ZNF573: variants seen among roughly 807,000 people sequenced by gnomAD.
ZNF573 encodes the protein zinc finger protein 573.
Under a neutral mutation model 57.4 loss-of-function variants are expected in ZNF573, and 41 were observed. The observed-to-expected ratio is 0.71, with a 90% CI of 0.56 to 0.93. The LOEUF (loss-of-function observed/expected upper bound fraction) is 0.93. Among genes scored for constraint, ZNF573 ranks in the 40% least tolerant of loss-of-function variants. The probability of loss-of-function intolerance (pLI) is 0.00; values close to 1 mark genes in which losing one functional copy is unlikely to be tolerated. For synonymous variants in ZNF573, 249 were observed against 261.0 expected (o/e 0.95, Z 0.44); for missense variants, 730 against 794.8 (o/e 0.92, Z 0.98).
chr19:37,761,954 G>T (rs150047723), intron 4 of ZNF573, among the ~76,000 whole-genome samples: 2 of 152,052 alleles, frequency 1.3e-5, no homozygotes, highest in East Asian at 3.9e-4. Context: ...TCCTTGGCCC[G>T]GACAGATACA....
In ZNF573 at chr19:37,738,991, C is replaced by T; in HGVS notation, c.1499G>A (p.Cys500Tyr). 1.9e-6 allele frequency: 3 copies of T among 1,613,888 alleles called. No individual in the cohort carries two copies. Among genetic ancestry groups the T allele is most frequent in the Non-Finnish European group, 2.5e-6 (3 of 1,179,954 alleles). Residue 500 changes from cysteine (C) to tyrosine (Y), a missense_variant, in exon 5 of 5, where the codon TGT (cysteine) becomes TAT (tyrosine). Coordinates refer to ENST00000536220, the MANE Select transcript of ZNF573 (RefSeq NM_001172690.2). ...GCTAAAGGTCTTGCCACATTCCTTA[C>T]ATTTATAGGGTTTCTCACCAGTATG... ...KTHTGEKPYK[C>Y]KECGKTFSLH... is the part of the protein sequence containing the mutation.
chr19:37,769,879 T>A, intron 4 of ZNF573, 126 bp downstream of exon 4: 1 of 742,796 alleles, frequency 1.3e-6, no homozygotes, highest in Non-Finnish European at 2.4e-6. Context: ...CCCAACCAGG[T>A]TGTAGGCCTT....
At position 37,739,643 on chromosome 19, in the gene ZNF573, A is replaced by C. The variant is rs772934975; in HGVS notation, c.847T>G (p.Phe283Val). The change falls in exon 5 of 5, where the codon TTT becomes GTT. Residue 283 changes from phenylalanine to valine, a missense_variant. Transcript: ENST00000536220. Reference sequence around the variant, plus strand: ...TCAACAAGATTTGAGCGCCTACTAAAAGTCTTCCCACATTCCTTACATTTA... The same window carrying C: ...TCAACAAGATTTGAGCGCCTACTAACAGTCTTCCCACATTCCTTACATTTA... ...PYKCKECGKT[F>V]SRRSNLVEHG... 1 of 1,614,102 alleles carries C rather than the reference A, an allele frequency of 6.2e-7. No individual in the cohort carries two copies. The highest frequency in any genetic ancestry group is 8.5e-7 in the Non-Finnish European group (1 of 1,180,016).
chr19:37,771,788 A>C, intron 2 of ZNF573, 92 bp from the exon 3 acceptor site: 1 of 1,346,056 alleles, frequency 7.4e-7, no homozygotes, highest in Non-Finnish European at 1.0e-6. Flanking sequence ...GGAGTGATAT[A>C]GTATATGTGG....
At chr19:37,747,721 T>C (rs2045394777) in intron 4 of ZNF573, among the ~76,000 whole-genome samples, 1 of 152,122 alleles carries the variant, frequency 6.6e-6, no homozygotes, top group Non-Finnish European at 1.5e-5. Context: ...CTTTTTTTTT[T>C]TGAGATGGAG....
chr19:37,739,875 C>A lies in ZNF573; in HGVS notation c.615G>T (p.Leu205=), dbSNP rs536311395. The change falls in exon 5 of 5, where the codon CTG becomes CTT. Residue 205 remains leucine, a synonymous_variant. Transcript: ENST00000536220. ...CGKNFRSGYQ[L]TVHQRFHTGE... ...CAGTATGAAATCTCTGATGCACAGTCAGCTGATAACCACTTCTAAAGTTCT... is the reference window on the plus strand; with the variant it reads ...CAGTATGAAATCTCTGATGCACAGTAAGCTGATAACCACTTCTAAAGTTCT... 1.1e-5 allele frequency: 18 copies of A among 1,613,836 alleles called. No individual in the cohort carries two copies. The African/African-American group carries it at 2.4e-4, about 22-fold the overall frequency.
intron 4 of ZNF573, among the ~76,000 whole-genome samples, chr19:37,767,983 T>C (rs1449817611): frequency 6.6e-6 from 1 of 152,146 alleles, no homozygotes. Flanking sequence ...TGTGGAGGAC[T>C]TCAGAATCAA....
intron 4 of ZNF573, among the ~76,000 whole-genome samples, chr19:37,754,794 C>T (rs1568419212): frequency 6.6e-6 from 1 of 151,952 alleles, no homozygotes. Context: ...GACCAAATGG[C>T]ACTCCATAAT....
At chr19:37,748,926 C>CAAA (rs35400830) in intron 4 of ZNF573, among the ~76,000 whole-genome samples, 22 of 70,622 alleles carry the variant, frequency 3.1e-4, no homozygotes, top group South Asian at 1.1e-3. Context: ...GACTTGGTCT[C>CAAA]AAAAAAAAAA....
chr19:37,774,621 C>T (rs1383451208), intron 1 of ZNF573, among the ~76,000 whole-genome samples: 3 of 151,990 alleles, frequency 2.0e-5, no homozygotes, highest in African/African-American at 2.4e-5. Context: ...AGTAGGGAAA[C>T]GTATTTAATA....
At chr19:37,741,266 G>T (rs532210003) in intron 4 of ZNF573, among the ~76,000 whole-genome samples, 14 of 151,986 alleles carry the variant, frequency 9.2e-5, no homozygotes, top group African/African-American at 3.4e-4. Context: ...CATCCATCTA[G>T]CTATCAATCA....
At chr19:37,753,767 C>T (rs1555741629) in intron 4 of ZNF573, among the ~76,000 whole-genome samples, 2 of 152,066 alleles carry the variant, frequency 1.3e-5, no homozygotes, top group Non-Finnish European at 2.9e-5. Flanking sequence ...GCAAAAAGAT[C>T]AAGTCACTTT....
intron 4 of ZNF573, among the ~76,000 whole-genome samples, chr19:37,754,939 A>G (rs1464852485): frequency 1.3e-5 from 2 of 152,164 alleles, no homozygotes; most frequent in African/African-American, 2.4e-5. Context: ...AGAGGTAAAG[A>G]ATAACAGTCT....
chr19:37,749,680 AT>A (rs548163450), intron 4 of ZNF573, among the ~76,000 whole-genome samples: 138 of 152,318 alleles, frequency 9.1e-4, no homozygotes, highest in African/African-American at 2.9e-3. Context: ...AACGGCAGAT[AT>A]TTTATTTCAA....
intron 1 of ZNF573, chr19:37,778,607 C>A (rs2045734212): frequency 6.6e-6 from 1 of 151,944 alleles, no homozygotes; most frequent in Non-Finnish European, 1.5e-5. Context: ...TGAAGTAAAA[C>A]ATACTCTAAA....
In ZNF573 at chr19:37,739,209, G is replaced by T. The variant is rs1288558325; in HGVS notation, c.1281C>A (p.Gly427=). The T allele has an allele frequency of 6.2e-7, 1 of 1,612,734 alleles. No individual in the cohort carries two copies. The highest frequency in any genetic ancestry group is 8.5e-7 in the Non-Finnish European group (1 of 1,179,680). Reference sequence around the variant, plus strand: ...GAATTTTCTGATGTTGTTTAAGGTAGCCATACAAGCTAAAGGCCTTTCCGC... The same window carrying T: ...GAATTTTCTGATGTTGTTTAAGGTATCCATACAAGCTAAAGGCCTTTCCGC... ...KECGKAFSLY[G]YLKQHQKIHT... is the part of the protein sequence containing the mutation. The change falls in exon 5 of 5, where the codon GGC becomes GGA. Residue 427 remains glycine (G), a synonymous_variant. Transcript: ENST00000536220.
intron 1 of ZNF573, among the ~76,000 whole-genome samples, chr19:37,775,554 T>C (rs929275494): frequency 7.2e-5 from 11 of 151,996 alleles, no homozygotes; most frequent in South Asian, 2.1e-4. Flanking sequence ...TGCTGAATTA[T>C]TGGCATTTTA....
chr19:37,774,043 C>T (rs57725815), intron 1 of ZNF573, among the ~76,000 whole-genome samples: 12,753 of 151,188 alleles, frequency 0.084, 837 homozygotes, highest in African/African-American at 0.18. Context: ...TTAGGCTGCT[C>T]AGTTTCTCCA....
chr19:37,739,822 C>A lies in ZNF573; in HGVS notation c.668G>T (p.Cys223Phe). The part of the protein sequence containing the change: ...TGEKTYECRQ[C>F]GKAFIYASHI... ...TGAGGCATATATAAAGGCCTTCCCA[C>A]ACTGCCTACATTCATAGGTTTTCTC... Residue 223 changes from cysteine to phenylalanine, a missense_variant, in exon 5 of 5, where the codon TGT (cysteine) becomes TTT (phenylalanine). Transcript: ENST00000536220. 1 of 1,614,114 alleles carries A rather than the reference C, an allele frequency of 6.2e-7. No individual in the cohort carries two copies. Among genetic ancestry groups the A allele is most frequent in the Non-Finnish European group, 8.5e-7 (1 of 1,179,980 alleles).
Sources: allele counts gnomAD v4.1 joint callset (sites outside exome capture counted in the v4.1 genomes callset), GRCh38; gene constraint gnomAD v4.1.1; transcripts MANE v1.5; gene names NCBI Gene and HGNC (gene_info 2026-07-23, HGNC 2026-07-21).